OTOGL: variants seen among roughly 807,000 people sequenced by gnomAD.
The protein encoded by OTOGL is otogelin-like protein.
In OTOGL, 285 loss-of-function variants were observed where a neutral mutation model predicts 318.5. The ratio of observed to expected loss-of-function variants is 0.89; its 90% CI spans 0.81 to 0.99. The LOEUF (loss-of-function observed/expected upper bound fraction) is 0.99. OTOGL is among the 50% of genes least tolerant of loss of function. The pLI is 0.00. For missense variants in OTOGL, 2,899 were observed against 2,845.6 expected (o/e 1.02, Z -0.43); for synonymous variants, 987 against 936.5 (o/e 1.05, Z -0.99).
intron 25 of OTOGL, 126 bp from the exon 26 acceptor site, chr12:80,278,902 G>A: frequency 9.4e-7 from 1 of 1,058,406 alleles, no homozygotes; most frequent in Non-Finnish European, 1.4e-6. Context: ...GAATGAACTG[G>A]CAATATTCGT....
Position 80,255,171 on chromosome 12 carries a change from G to C in OTOGL, c.1573G>C (p.Ala525Pro). ...KDKFTITLQKAPCEQNLGLVC... is the reference protein window; with the variant it reads ...KDKFTITLQKPPCEQNLGLVC... ...TAAATTCACGATTACTTTACAGAAA[G>C]CTCCCTGTGAGCAGGTAAGAACATT... Residue 525 changes from alanine to proline, a missense_variant, in exon 16 of 59, where the codon GCT becomes CCT. Ala to Pro is a conservative substitution (Grantham distance 27, BLOSUM62 -1). Coordinates refer to ENST00000547103, the MANE Select transcript of OTOGL (RefSeq NM_001378609.3). The C allele has an allele frequency of 6.6e-7, 1 of 1,512,558 alleles. No individual in the cohort carries two copies. Among genetic ancestry groups the C allele is most frequent in the Non-Finnish European group, 8.8e-7 (1 of 1,135,996 alleles). 93.7% of individuals were successfully genotyped at this position (1,512,558 alleles called of 1,614,324 possible).
chr12:80,318,414 A>G (rs1026096182), intron 32 of OTOGL, 132 bp from the exon 33 acceptor site: 8 of 531,216 alleles, frequency 1.5e-5, no homozygotes, highest in Non-Finnish European at 2.0e-5. Flanking sequence ...GAATTCAGTT[A>G]TTTTATTAGT....
intron 1 of OTOGL, among the ~76,000 whole-genome samples, chr12:80,157,314 T>C (rs1565882289): frequency 6.6e-6 from 1 of 152,190 alleles, no homozygotes; most frequent in African/African-American, 2.4e-5. Flanking sequence ...TAGAGTTTGT[T>C]TGAAATCCTT....
At position 80,219,316 on chromosome 12, in the gene OTOGL, T is replaced by C. The variant is rs981383634; in HGVS notation, c.236-498T>C. ...TAGTAGAGATGGAGTTTCACCACGT[T>C]GGCCAGGCTGGTCTCGAACTCCTGA... On this transcript the variant is annotated intron_variant, in intron 5 of 58. Coordinates refer to ENST00000547103, the MANE Select transcript of OTOGL (RefSeq NM_001378609.3). Among the ~76,000 whole-genome samples the C allele has an allele frequency of 3.3e-5, 5 of 152,348 alleles. No homozygotes were observed. The South Asian group carries it at 1.0e-3, about 32-fold the overall frequency.
At chr12:80,153,042 C>A (rs114242975) in intron 1 of OTOGL, among the ~76,000 whole-genome samples, 6 of 152,126 alleles carry the variant, frequency 3.9e-5, no homozygotes, top group African/African-American at 1.4e-4. Flanking sequence ...TTTTAAATAG[C>A]AATTTTAGTT....
chr12:80,163,166 A>C (rs1352953528), intron 1 of OTOGL, among the ~76,000 whole-genome samples: 1 of 152,014 alleles, frequency 6.6e-6, no homozygotes, highest in Non-Finnish European at 1.5e-5. Context: ...CTTAATTATA[A>C]GTTGCTGATG....
intron 29 of OTOGL, among the ~76,000 whole-genome samples, chr12:80,307,910 C>T (rs1347698287): frequency 4.8e-5 from 6 of 125,190 alleles, no homozygotes; most frequent in African/African-American, 7.3e-5. Flanking sequence ...GGCGGCTGGC[C>T]GGGCGGGGGC....
chr12:80,372,267 T>C (rs1173766471), intron 57 of OTOGL, among the ~76,000 whole-genome samples: 1 of 152,138 alleles, frequency 6.6e-6, no homozygotes, highest in Non-Finnish European at 1.5e-5. Context: ...TTTTGTATCA[T>C]ATGGTTAATA....
intron 1 of OTOGL, among the ~76,000 whole-genome samples, chr12:80,197,472 G>A (rs1289622140): frequency 6.6e-6 from 1 of 152,144 alleles, no homozygotes; most frequent in East Asian, 1.9e-4. Flanking sequence ...GTCTCCCAAA[G>A]TGCTGAGATT....
rs776063996 is a variant in OTOGL at position 80,328,706 on chromosome 12, T to A, written c.4241T>A (p.Leu1414His). The A allele has an allele frequency of 3.7e-5, 59 of 1,607,372 alleles. No individual in the cohort carries two copies. The highest frequency in any genetic ancestry group is 4.7e-5 in the Non-Finnish European group (55 of 1,173,940). The change falls in exon 36 of 59, where the codon CTT becomes CAT. Residue 1414 changes from leucine to histidine, a missense_variant. Leu to His is a moderately conservative substitution (Grantham distance 99). This residue lies in a region of OTOGL where 2,607 missense variants were observed against 2,524.9 expected (regional missense o/e 1.03). Coordinates refer to ENST00000547103, the MANE Select transcript of OTOGL (RefSeq NM_001378609.3). Reference protein sequence around the residue: ...CLPYCPKNMILDEVTLKCVYP... With the variant: ...CLPYCPKNMIHDEVTLKCVYP... ...CCCTACTGCCCTAAAAATATGATCC[T>A]TGATGAGGTCACCCTCAAGTGTGTT...
At chr12:80,145,405 C>A (rs1872275560) in intron 1 of OTOGL, among the ~76,000 whole-genome samples, 1 of 151,838 alleles carries the variant, frequency 6.6e-6, no homozygotes, top group Non-Finnish European at 1.5e-5. Flanking sequence ...CTGTTCTGTT[C>A]CATTGATCTA....
chr12:80,329,024 A>C (rs1304991033), intron 36 of OTOGL, 27 bp from the exon 37 acceptor site: 2 of 1,566,112 alleles, frequency 1.3e-6, no homozygotes, highest in Non-Finnish European at 1.7e-6. Flanking sequence ...ATACAGTTTT[A>C]TAAAGAGCAC....
Position 80,239,344 on chromosome 12 carries a change from C to T in OTOGL, c.957C>T (p.Phe319=). Residue 319 remains phenylalanine (F), a synonymous_variant, in exon 11 of 59, where the codon TTC becomes TTT. Transcript: ENST00000547103. ...SGMPAFEAIF[F]KCQILLQFPF... is the part of the protein sequence containing the mutation. Reference sequence around the variant, plus strand: ...CTTTTTTTGCACAGGCAATCTTCTTCAAGTGTCAGATACTGTTGCAGTTTC... The same window carrying T: ...CTTTTTTTGCACAGGCAATCTTCTTTAAGTGTCAGATACTGTTGCAGTTTC... The T allele has an allele frequency of 6.2e-7, 1 of 1,605,662 alleles. No individual in the cohort carries two copies. Among genetic ancestry groups the T allele is most frequent in the East Asian group, 2.2e-5 (1 of 44,696 alleles).
At chr12:80,374,218 C>A (rs1891055399) in intron 57 of OTOGL, among the ~76,000 whole-genome samples, 2 of 152,134 alleles carry the variant, frequency 1.3e-5, no homozygotes, top group Non-Finnish European at 2.9e-5. Context: ...TGGCCATCTT[C>A]ATGCTCACAT....
intron 27 of OTOGL, among the ~76,000 whole-genome samples, chr12:80,300,007 C>T (rs1414862456): frequency 1.3e-5 from 2 of 152,000 alleles, no homozygotes; most frequent in Non-Finnish European, 2.9e-5. Flanking sequence ...ATAACTGATG[C>T]AAAACCAAAC....
chr12:80,265,362 AAAT>A, intron 20 of OTOGL, 152 bp downstream of exon 20: 1 of 843,176 alleles, frequency 1.2e-6, no homozygotes, highest in East Asian at 2.7e-5. Flanking sequence ...AAAGCAAATG[AAAT>A]AATATCTTAA....
chr12:80,110,617 G>T (rs575612977), intron 1 of OTOGL, among the ~76,000 whole-genome samples: 17 of 152,286 alleles, frequency 1.1e-4, no homozygotes, highest in Admixed American at 1.3e-4. Flanking sequence ...ATTCCATGGT[G>T]TATTTGTGCC....
chr12:80,321,591 A>T (rs1458489343), intron 34 of OTOGL, among the ~76,000 whole-genome samples: 1 of 151,380 alleles, frequency 6.6e-6, no homozygotes, highest in Non-Finnish European at 1.5e-5. Flanking sequence ...ATAAAAAAAT[A>T]AAAAATAAAA....
intron 34 of OTOGL, among the ~76,000 whole-genome samples, chr12:80,323,457 T>G (rs1887476547): frequency 6.6e-6 from 1 of 152,144 alleles, no homozygotes; most frequent in Non-Finnish European, 1.5e-5. Flanking sequence ...GAGACCATTC[T>G]GGTCAACAAG....
Sources: allele counts gnomAD v4.1 joint callset (sites outside exome capture counted in the v4.1 genomes callset), GRCh38; gene constraint gnomAD v4.1.1; regional missense constraint gnomAD v4.1.1; transcripts MANE v1.5; gene names NCBI Gene and HGNC (gene_info 2026-07-23, HGNC 2026-07-21).